The following NCOA1 variants were observed in gnomAD, a reference collection of about 807,000 sequenced individuals.
NCOA1 encodes the protein nuclear receptor coactivator 1.
A neutral mutation model predicts 150.9 loss-of-function variants in NCOA1; 35 were observed. The ratio of observed to expected loss-of-function variants is 0.23; its 90% CI spans 0.18 to 0.31. The LOEUF (loss-of-function observed/expected upper bound fraction) is 0.31. Among genes scored for constraint, NCOA1 ranks in the 10% least tolerant of loss-of-function variants. NCOA1 has a pLI of 1.00. For missense variants in NCOA1, 1,491 were observed against 1,749.3 expected (o/e 0.85, Z 2.63); for synonymous variants, 590 against 630.0 (o/e 0.94, Z 0.95).
chr2:24,563,543 G>A (rs903811873), intron 1 of NCOA1, among the ~76,000 whole-genome samples: 1 of 150,324 alleles, frequency 6.7e-6, no homozygotes, highest in Admixed American at 6.6e-5. Flanking sequence ...TTTGAGACAA[G>A]ATCTCACTCT....
At chr2:24,699,192 AT>A (rs1246110908) in intron 11 of NCOA1, among the ~76,000 whole-genome samples, 1 of 152,186 alleles carries the variant, frequency 6.6e-6, no homozygotes, top group Non-Finnish European at 1.5e-5. Flanking sequence ...GTTTCGACTC[AT>A]TGCCTGAAGT....
intron 10 of NCOA1, among the ~76,000 whole-genome samples, chr2:24,693,665 A>G (rs750252933): frequency 6.6e-5 from 10 of 152,214 alleles, no homozygotes; most frequent in Non-Finnish European, 1.5e-4. Context: ...ATGTAGATAT[A>G]CATACATTTA....
At chr2:24,668,176 A>T (rs1254189064) in intron 6 of NCOA1, among the ~76,000 whole-genome samples, 1 of 152,208 alleles carries the variant, frequency 6.6e-6, no homozygotes, top group Non-Finnish European at 1.5e-5. Flanking sequence ...TAAGAAACTT[A>T]TAGGATTAGT....
intron 3 of NCOA1, among the ~76,000 whole-genome samples, chr2:24,638,677 G>A (rs555539217): frequency 6.6e-6 from 1 of 152,154 alleles, no homozygotes; most frequent in South Asian, 2.1e-4. Context: ...TTTGATAATA[G>A]CTATCATCCT....
intron 2 of NCOA1, among the ~76,000 whole-genome samples, chr2:24,579,566 G>T (rs570265885): frequency 6.6e-6 from 1 of 152,290 alleles, no homozygotes; most frequent in East Asian, 1.9e-4. Context: ...TAGAGCTTGA[G>T]TGGCGAAGAC....
chr2:24,576,155 T>TTTTTTTG (rs1666957462), intron 2 of NCOA1, among the ~76,000 whole-genome samples: 1 of 96,446 alleles, frequency 1.0e-5, no homozygotes, highest in African/African-American at 4.0e-5. Flanking sequence ...CTTTGTTTTT[T>TTTTTTTG]TTTTTTTGTT....
At chr2:24,543,205 G>A (rs138378308) in intron 1 of NCOA1, among the ~76,000 whole-genome samples, 1 of 152,302 alleles carries the variant, frequency 6.6e-6, no homozygotes, top group African/African-American at 2.4e-5. Flanking sequence ...AGAAAAGGGA[G>A]TGGGCATGTA....
intron 9 of NCOA1, 32 bp from the exon 10 acceptor site, chr2:24,693,220 A>C (rs777996357): frequency 4.4e-6 from 7 of 1,589,002 alleles, no homozygotes; most frequent in African/African-American, 2.7e-5. Flanking sequence ...TCTACTCTCT[A>C]TCCTTCAATT....
At chr2:24,703,088 T>C (rs1002982335) in intron 11 of NCOA1, among the ~76,000 whole-genome samples, 19 of 152,226 alleles carry the variant, frequency 1.2e-4, no homozygotes, top group African/African-American at 3.1e-4. Flanking sequence ...ATACCTGATA[T>C]GTACTCCATG....
intron 1 of NCOA1, among the ~76,000 whole-genome samples, chr2:24,512,901 T>G (rs909613097): frequency 6.6e-6 from 1 of 152,238 alleles, no homozygotes; most frequent in African/African-American, 2.4e-5. Flanking sequence ...GCTTTTCTGT[T>G]GAATGGAGTT....
At chr2:24,549,167 A>G (rs150554455) in intron 1 of NCOA1, among the ~76,000 whole-genome samples, 52 of 152,100 alleles carry the variant, frequency 3.4e-4, no homozygotes, top group African/African-American at 1.1e-3. Context: ...CCAGTTCTTG[A>G]CTTCTGTGCA....
At chr2:24,548,501 TC>T (rs1169388040) in intron 1 of NCOA1, among the ~76,000 whole-genome samples, 4 of 152,152 alleles carry the variant, frequency 2.6e-5, no homozygotes, top group Non-Finnish European at 4.4e-5. Flanking sequence ...AATTATGCCT[TC>T]CCAACAGTCC....
At chr2:24,590,087 T>C (rs536760651) in intron 3 of NCOA1, among the ~76,000 whole-genome samples, 136 of 152,326 alleles carry the variant, frequency 8.9e-4, no homozygotes, top group Admixed American at 2.1e-3. Flanking sequence ...ACAAATTCCT[T>C]CTTTGGGAAA....
At chr2:24,516,035 G>GCAGT (rs1245580024) in intron 1 of NCOA1, among the ~76,000 whole-genome samples, 1 of 152,074 alleles carries the variant, frequency 6.6e-6, no homozygotes, top group Admixed American at 6.5e-5. Flanking sequence ...CAGTCAGCAG[G>GCAGT]CAGTCACTCT....
Position 24,658,900 on chromosome 2 carries a change from C to G in NCOA1, c.89+134C>G, listed in dbSNP as rs1205401273. On this transcript the variant is annotated intron_variant, in intron 5 of 22. Coordinates refer to ENST00000348332, the MANE Select transcript of NCOA1 (RefSeq NM_003743.5). ...CTTTCATACTCACCATGTTGTCTTC[C>G]TTCCCCCAGGGTCTTTGCACATGTT... 6 of 769,472 alleles carry G rather than the reference C, an allele frequency of 7.8e-6. No homozygotes were observed. The African/African-American group carries it at 8.7e-5, about 11-fold the overall frequency. The allele number at this position is 769,472 out of a possible 1,614,324, so 47.7% of individuals were successfully genotyped here.
intron 3 of NCOA1, among the ~76,000 whole-genome samples, chr2:24,587,386 G>A (rs995647): frequency 0.84 from 127,825 of 152,172 alleles, 54,571 homozygotes; most frequent in East Asian, 0.99. Context: ...GTTTTCAAGA[G>A]GTTGCTTTTA....
At chr2:24,601,598 G>C (rs1268855851) in intron 3 of NCOA1, among the ~76,000 whole-genome samples, 1 of 149,830 alleles carries the variant, frequency 6.7e-6, no homozygotes. Flanking sequence ...TTGGAAAACA[G>C]CTCCTCCTTC....
At chr2:24,531,613 CGCCCCCTGATAG>C (rs1664904943) in intron 1 of NCOA1, among the ~76,000 whole-genome samples, 1 of 152,134 alleles carries the variant, frequency 6.6e-6, no homozygotes, top group African/African-American at 2.4e-5. Flanking sequence ...ACCAGCCTCC[CGCCCCCTGATAG>C]GCCCCGGTGT....
At chr2:24,722,939 C>T (rs1448163858) in intron 14 of NCOA1, among the ~76,000 whole-genome samples, 7 of 127,868 alleles carry the variant, frequency 5.5e-5, no homozygotes, top group East Asian at 2.2e-4. Flanking sequence ...TGCAGTGAGC[C>T]GAGATCATGC....
Sources: gnomAD v4.1 joint callset for allele counts (sites outside exome capture counted in the v4.1 genomes callset) on GRCh38, gnomAD v4.1.1 for gene constraint, MANE v1.5 for transcripts, NCBI Gene and HGNC (gene_info 2026-07-23, HGNC 2026-07-21) for gene names.